ASS1: variants seen among roughly 807,000 people sequenced by gnomAD.
The protein encoded by ASS1 is argininosuccinate synthase 1.
In ASS1, 58 loss-of-function variants were observed where a neutral mutation model predicts 60.5. The observed-to-expected ratio is 0.96, with a 90% CI of 0.78 to 1.19. The LOEUF (loss-of-function observed/expected upper bound fraction) is 1.19, where lower values mean the gene tolerates loss of function less well. Ranked by LOEUF, ASS1 falls within the 50% of genes most tolerant of loss-of-function variation. ASS1 has a pLI of 0.00. For synonymous variants in ASS1, 200 were observed against 206.9 expected (o/e 0.97, Z 0.29); for missense variants, 454 against 547.3 (o/e 0.83, Z 1.70).
At chr9:130,473,275 C>A (rs1434679869) in intron 8 of ASS1, among the ~76,000 whole-genome samples, 1 of 152,182 alleles carries the variant, frequency 6.6e-6, no homozygotes, top group Non-Finnish European at 1.5e-5. Context: ...AAACACAGCA[C>A]CTCCCTCCTA....
chr9:130,492,466 A>T (rs1355932131), intron 12 of ASS1, among the ~76,000 whole-genome samples: 2 of 151,784 alleles, frequency 1.3e-5, no homozygotes, highest in Non-Finnish European at 2.9e-5. Flanking sequence ...GACCACTGCC[A>T]CTCTGCATCT....
At position 130,462,604 on chromosome 9, in the gene ASS1, G is replaced by A. The variant is rs1020326569; in HGVS notation, c.364-1507G>A. 1.3e-4 allele frequency among the ~76,000 whole-genome samples: 20 copies of A among 152,306 alleles called. No homozygotes were observed. In the South Asian group the frequency reaches 4.1e-3, roughly 32 times the overall value. ...GTGCCTGGCTGGTGAGGCACAAGCC[G>A]TCTTTGTGTTGGGGAAACATGAAGC... On this transcript the variant is annotated intron_variant, in intron 4 of 14. Coordinates refer to ENST00000352480, the MANE Select transcript of ASS1 (RefSeq NM_054012.4).
intron 12 of ASS1, among the ~76,000 whole-genome samples, chr9:130,492,822 A>T (rs532882893): frequency 2.6e-4 from 39 of 152,322 alleles, no homozygotes; most frequent in South Asian, 1.7e-3. Context: ...ACCCACAGTG[A>T]TCTGCAGGTC....
rs139661443 is a variant in ASS1, at chr9:130,489,199, G to A, written c.839-134G>A. 541 of 1,239,718 alleles carry A rather than the reference G, an allele frequency of 4.4e-4. 2 individuals are homozygous for A. The African/African-American group carries it at 7.2e-3, about 17-fold the overall frequency. 76.8% of individuals were successfully genotyped at this position (1,239,718 alleles called of 1,614,324 possible). A position where few individuals can be genotyped will look rare whatever the true frequency, so the allele number is the denominator to read the frequency against. On this transcript the variant is annotated intron_variant, in intron 11 of 14. Coordinates refer to ENST00000352480, the MANE Select transcript of ASS1 (RefSeq NM_054012.4). The surrounding 1 kb of genome is among the most constrained non-coding windows in gnomAD (Gnocchi z 4.1). ...ATTTTGCAGCAAGCTGGGAGTGAAT[G>A]GGTCCGGCCGGCTTGTCTCCTGTCA...
intron 6 of ASS1, among the ~76,000 whole-genome samples, chr9:130,468,594 T>A (rs941196439): frequency 6.6e-6 from 1 of 151,922 alleles, no homozygotes; most frequent in African/African-American, 2.4e-5. Flanking sequence ...GTTTTTCATA[T>A]ATTTATTTAT....
intron 5 of ASS1, 35 bp from the exon 6 acceptor site, chr9:130,466,690 G>C (rs2131882449): frequency 3.1e-6 from 5 of 1,603,856 alleles, no homozygotes; most frequent in South Asian, 2.2e-5. Flanking sequence ...CCACAGCTCG[G>C]CCCTCCCGGC....
intron 1 of ASS1, among the ~76,000 whole-genome samples, chr9:130,448,515 G>GA (rs1845251639): frequency 1.3e-5 from 2 of 152,110 alleles, no homozygotes; most frequent in South Asian, 4.2e-4. Context: ...GAAGGCCTCA[G>GA]AGCCCACACC....
chr9:130,497,988 T>TG (rs2118889930), intron 13 of ASS1, among the ~76,000 whole-genome samples: 1 of 152,264 alleles, frequency 6.6e-6, no homozygotes, highest in South Asian at 2.1e-4. Context: ...GCCTGAGCCC[T>TG]GGAGGGGCCG....
chr9:130,456,201 C>T (rs1373275161), intron 3 of ASS1, among the ~76,000 whole-genome samples: 2 of 152,228 alleles, frequency 1.3e-5, no homozygotes, highest in Non-Finnish European at 2.9e-5. Flanking sequence ...CACAGTGGCT[C>T]ACGCCTGTAA....
In ASS1 at chr9:130,494,728, A is replaced by G; in HGVS notation, c.971-139A>G. The G allele has an allele frequency of 2.6e-6, 3 of 1,135,482 alleles. No individual in the cohort carries two copies. Among genetic ancestry groups the G allele is most frequent in the South Asian group, 1.3e-5 (1 of 76,810 alleles). 70.3% of individuals were successfully genotyped at this position (1,135,482 alleles called of 1,614,324 possible). A position where few individuals can be genotyped will look rare whatever the true frequency, so the allele number is the denominator to read the frequency against. On this transcript the variant is annotated intron_variant, in intron 12 of 14. Transcript: ENST00000352480. This position sits in a 1 kb window ranked among gnomAD's most constrained non-coding sequence, Gnocchi z 4.3. ...TCAACTCAGCCACTGGCAAGCGCAC[A>G]TTGTGCCAGTCTCGCGGGAGGCAGT...
intron 1 of ASS1, among the ~76,000 whole-genome samples, chr9:130,446,048 C>T (rs1022310306): frequency 6.6e-6 from 1 of 152,184 alleles, no homozygotes; most frequent in African/African-American, 2.4e-5. Context: ...GATGTGGACT[C>T]GTCATGTTGC....
chr9:130,465,701 CTT>C (rs1461060368), intron 5 of ASS1, among the ~76,000 whole-genome samples: 2 of 152,262 alleles, frequency 1.3e-5, no homozygotes, highest in African/African-American at 2.4e-5. Flanking sequence ...AGAGGAATCT[CTT>C]TCCCCGTCCC....
Position 130,488,846 on chromosome 9 carries a change from G to A in ASS1, c.839-487G>A, listed in dbSNP as rs1273183477. The stretch of plus-strand genomic sequence containing the variant: ...GCCCTCTGCCACCCCAGTGGCCTCT[G>A]GAGAGACCTGGCCGCAGGGGCCCCA... On this transcript the variant is annotated intron_variant, in intron 11 of 14. Transcript: ENST00000352480. This position sits in a 1 kb window ranked among gnomAD's most constrained non-coding sequence, Gnocchi z 5.2. 6.6e-6 allele frequency among the ~76,000 whole-genome samples: 1 copy of A among 152,244 alleles called. No homozygotes were observed. The highest frequency in any genetic ancestry group is 2.4e-5 in the African/African-American group (1 of 41,466).
chr9:130,463,408 C>T (rs1845652066), intron 4 of ASS1, among the ~76,000 whole-genome samples: 2 of 152,198 alleles, frequency 1.3e-5, no homozygotes, highest in Admixed American at 1.3e-4. Context: ...GTTGAGGTGT[C>T]TCCATTTGCC....
chr9:130,460,558 C>T, intron 4 of ASS1, among the ~76,000 whole-genome samples: 1 of 152,036 alleles, frequency 6.6e-6, no homozygotes. Context: ...TGAATAATGG[C>T]ATGGAAGAGT....
chr9:130,479,447 G>A (rs527827188), intron 9 of ASS1, among the ~76,000 whole-genome samples: 1 of 152,326 alleles, frequency 6.6e-6, no homozygotes, highest in Admixed American at 6.5e-5. Context: ...CAATTTCACA[G>A]CCCCTAAATG....
In ASS1 at chr9:130,481,625, C is replaced by T. The variant is rs553316974; in HGVS notation, c.838+1176C>T. 2.6e-5 allele frequency among the ~76,000 whole-genome samples: 4 copies of T among 152,346 alleles called. No homozygotes were observed. The South Asian group carries it at 6.2e-4, about 24-fold the overall frequency. ...TGCCCAACAACCTTGGACTTGTCAT[C>T]TATCGCTAGGCCTCAGTTTCCCCAA... On this transcript the variant is annotated intron_variant, in intron 11 of 14. Transcript: ENST00000352480.
intron 2 of ASS1, 68 bp downstream of exon 2, chr9:130,452,401 G>T: frequency 7.1e-7 from 1 of 1,400,356 alleles, no homozygotes; most frequent in Non-Finnish European, 1.0e-6. Flanking sequence ...CCCCCTGCCA[G>T]CCTCTGTCTG....
intron 10 of ASS1, among the ~76,000 whole-genome samples, 172 bp from the exon 11 acceptor site, chr9:130,480,213 C>T (rs908223411): frequency 6.6e-6 from 1 of 152,232 alleles, no homozygotes; most frequent in Non-Finnish European, 1.5e-5. Flanking sequence ...CCCACCTGTC[C>T]AGTGGGCACC....
Sources: allele counts gnomAD v4.1 joint callset (sites outside exome capture counted in the v4.1 genomes callset), GRCh38; gene constraint gnomAD v4.1.1; non-coding constraint Gnocchi (gnomAD v3.1); transcripts MANE v1.5; gene names NCBI Gene and HGNC (gene_info 2026-07-23, HGNC 2026-07-21).